Variants in ERLIN2 observed in about 807,000 individuals in gnomAD.
ERLIN2 encodes erlin-2.
In ERLIN2, 22 loss-of-function variants were observed where a neutral mutation model predicts 41.5. That is an observed-to-expected ratio of 0.53 (90% CI 0.38 to 0.76). ERLIN2 has a LOEUF of 0.76. ERLIN2 is among the 30% of genes least tolerant of loss of function. The probability of loss-of-function intolerance (pLI) is 0.00; values close to 1 mark genes in which losing one functional copy is unlikely to be tolerated. For synonymous variants in ERLIN2, 149 were observed against 150.9 expected, an observed-to-expected ratio of 0.99 and a Z score of 0.09; for missense variants, 247 against 414.3, an observed-to-expected ratio of 0.60 and a Z score of 3.51.
At chr8:37,743,164 A>C (rs1802914346) in intron 4 of ERLIN2, among the ~76,000 whole-genome samples, 1 of 152,238 alleles carries the variant, frequency 6.6e-6, no homozygotes, top group South Asian at 2.1e-4. Flanking sequence ...ACTTACAAGA[A>C]ACATAAACAG....
intron 4 of ERLIN2, among the ~76,000 whole-genome samples, chr8:37,743,548 C>G (rs1208403760): frequency 6.6e-6 from 1 of 152,198 alleles, no homozygotes; most frequent in African/African-American, 2.4e-5. Flanking sequence ...TCTCCAAATA[C>G]AGTCACATTG....
intron 9 of ERLIN2, 46 bp from the exon 10 acceptor site, chr8:37,751,579 CA>C (rs1563317195): frequency 6.5e-7 from 1 of 1,528,566 alleles, no homozygotes; most frequent in East Asian, 2.2e-5. Flanking sequence ...TGAAATTAGT[CA>C]AACTCTGAAA....
intron 9 of ERLIN2, 36 bp downstream of exon 9, chr8:37,750,522 A>G: frequency 6.4e-7 from 1 of 1,553,006 alleles, no homozygotes; most frequent in Non-Finnish European, 8.9e-7. Flanking sequence ...CTTTCCAGGC[A>G]GAAAGGCTGG....
At chr8:37,753,886 G>A in intron 11 of ERLIN2, 29 bp from the exon 12 acceptor site, 2 of 1,581,922 alleles carry the variant, frequency 1.3e-6, no homozygotes, top group Non-Finnish European at 1.7e-6. Flanking sequence ...TTCAACATAA[G>A]TCTTCCATAC....
Position 37,736,688 on chromosome 8 carries a change from C to T in ERLIN2, c.-16+10C>T, listed in dbSNP as rs1802652645. 1 of 985,516 alleles carries T rather than the reference C, an allele frequency of 1.0e-6. No individual in the cohort carries two copies. The highest frequency in any genetic ancestry group is 1.7e-5 in the African/African-American group (1 of 57,250). 61.0% of individuals were successfully genotyped at this position (985,516 alleles called of 1,614,324 possible). On this transcript the variant is annotated intron_variant, in intron 1 of 11. Coordinates refer to ENST00000519638, the MANE Select transcript of ERLIN2 (RefSeq NM_007175.8). ...CTGCAGGGACAGCCTGGTACGCGGC[C>T]CCCGCCCCTTCGTGCGCGCGCTGGG...
rs991801910 is a variant in ERLIN2, at chr8:37,736,698, T to C, written c.-16+20T>C. 52 of 985,480 alleles carry C rather than the reference T, an allele frequency of 5.3e-5. No individual in the cohort carries two copies. The highest frequency in any genetic ancestry group is 6.1e-5 in the Non-Finnish European group (51 of 830,040). The allele number at this position is 985,480 out of a possible 1,614,324, so 61.0% of individuals were successfully genotyped here. A position where few individuals can be genotyped will look rare whatever the true frequency, so the allele number is the denominator to read the frequency against. On this transcript the variant is annotated intron_variant, in intron 1 of 11. Coordinates refer to ENST00000519638, the MANE Select transcript of ERLIN2 (RefSeq NM_007175.8). ...AGCCTGGTACGCGGCCCCCGCCCCT[T>C]CGTGCGCGCGCTGGGCCTAGCTGCC...
At chr8:37,749,738 G>A in intron 7 of ERLIN2, 56 bp from the exon 8 acceptor site, 2 of 1,578,594 alleles carry the variant, frequency 1.3e-6, no homozygotes, top group Admixed American at 1.7e-5. Flanking sequence ...TGGGAGCTGG[G>A]TGTGTCCCTC....
intron 6 of ERLIN2, chr8:37,745,776 T>A (rs777223048): frequency 4.1e-6 from 6 of 1,467,344 alleles, no homozygotes; most frequent in Non-Finnish European, 5.4e-6. Flanking sequence ...TTATAGGGTT[T>A]GTAGTCTTTT....
intron 6 of ERLIN2, 64 bp from the exon 7 acceptor site, chr8:37,749,495 A>T (rs1447595187): frequency 4.4e-6 from 5 of 1,141,204 alleles, no homozygotes; most frequent in African/African-American, 3.0e-5. Context: ...ACTTTACCTC[A>T]TCCTGCCCTC....
At chr8:37,744,924 G>T in intron 6 of ERLIN2, 1 of 670,208 alleles carries the variant, frequency 1.5e-6, no homozygotes, top group South Asian at 1.6e-5. Context: ...AGGGACCATA[G>T]TGGAGTAGAG....
Position 37,756,327 on chromosome 8 carries a change from A to C in ERLIN2, c.*2212A>C, listed in dbSNP as rs77076437. The C allele has an allele frequency of 2.0e-5, 3 of 152,040 alleles. No homozygotes were observed. The highest frequency in any genetic ancestry group is 6.6e-5 in the Admixed American group (1 of 15,264). The allele number at this position is 152,040 out of a possible 1,614,324, so 9.4% of individuals were successfully genotyped here. A position where few individuals can be genotyped will look rare whatever the true frequency, so the allele number is the denominator to read the frequency against. The stretch of plus-strand genomic sequence containing the variant: ...AGCATCCCACTTCCCGAAAATGTCT[A>C]CTCCTTCTACTCTGAGCTCTTGTTG... On this transcript the variant is annotated 3_prime_UTR_variant, in exon 12 of 12. Transcript: ENST00000519638.
At chr8:37,750,356 GT>G in intron 8 of ERLIN2, 38 bp from the exon 9 acceptor site, 1 of 1,541,498 alleles carries the variant, frequency 6.5e-7, no homozygotes, top group Non-Finnish European at 9.0e-7. Flanking sequence ...AAGCTCCTGA[GT>G]TTTCCATAGC....
At chr8:37,751,230 G>C (rs1406386494) in intron 9 of ERLIN2, among the ~76,000 whole-genome samples, 1 of 152,184 alleles carries the variant, frequency 6.6e-6, no homozygotes, top group East Asian at 1.9e-4. Context: ...GGTGGAACTG[G>C]GGTTCAAACC....
At chr8:37,738,052 C>T in intron 2 of ERLIN2, 23 bp downstream of exon 2, 1 of 1,613,632 alleles carries the variant, frequency 6.2e-7, no homozygotes, top group Non-Finnish European at 8.5e-7. Flanking sequence ...CAGGGAGAAG[C>T]CGGCAACTTC....
Position 37,756,821 on chromosome 8 carries a change from C to T in ERLIN2, c.*2706C>T, listed in dbSNP as rs900614819. The T allele has an allele frequency of 1.9e-4, 29 of 152,656 alleles. No individual in the cohort carries two copies. Among genetic ancestry groups the T allele is most frequent in the African/African-American group, 6.3e-4 (26 of 41,520 alleles). 9.5% of individuals were successfully genotyped at this position (152,656 alleles called of 1,614,324 possible). ...TGCTATTTATAAATGGAACATCTAT[C>T]AAAATAAGTAACTGTTTATAAAATT... is the stretch of plus-strand genomic sequence containing the variant. On this transcript the variant is annotated 3_prime_UTR_variant, in exon 12 of 12. Transcript: ENST00000519638.
intron 10 of ERLIN2, among the ~76,000 whole-genome samples, chr8:37,751,924 A>AT (rs1803227288): frequency 6.6e-6 from 1 of 152,204 alleles, no homozygotes; most frequent in Non-Finnish European, 1.5e-5. Context: ...GCATTTGTTC[A>AT]TTCAGCAAAT....
Position 37,754,191 on chromosome 8 carries a change from C to A in ERLIN2, c.*76C>A, listed in dbSNP as rs575682701. 37 of 1,037,048 alleles carry A rather than the reference C, an allele frequency of 3.6e-5. No homozygotes were observed. In the African/African-American group the frequency reaches 4.6e-4, roughly 13 times the overall value. 64.2% of individuals were successfully genotyped at this position (1,037,048 alleles called of 1,614,324 possible). On this transcript the variant is annotated 3_prime_UTR_variant, in exon 12 of 12. Transcript: ENST00000519638. ...AAGATGAATCAGAATGTTCCTCCCT[C>A]CCCGACTACCTTCTCTGACTGTCTT...
At chr8:37,751,556 C>A in intron 9 of ERLIN2, 70 bp from the exon 10 acceptor site, 1 of 1,361,160 alleles carries the variant, frequency 7.3e-7, no homozygotes, top group Non-Finnish European at 1.0e-6. Flanking sequence ...GGACACTCAG[C>A]TCGGGTGAAA....
At chr8:37,742,353 A>AG (rs1554516164) in intron 4 of ERLIN2, among the ~76,000 whole-genome samples, 5 of 151,974 alleles carry the variant, frequency 3.3e-5, no homozygotes, top group Non-Finnish European at 7.4e-5. Context: ...AAAAAAAAAA[A>AG]AAAAGAAGTG....
Sources: allele counts gnomAD v4.1 joint callset (sites outside exome capture counted in the v4.1 genomes callset), GRCh38; gene constraint gnomAD v4.1.1; transcripts MANE v1.5; gene names NCBI Gene and HGNC (gene_info 2026-07-23, HGNC 2026-07-21).